Variants in MFAP1 observed in about 807,000 individuals in gnomAD.
MFAP1 encodes the protein microfibril associated protein 1.
MFAP1 carries 18 observed loss-of-function variants against 62.2 expected under a neutral mutation model. The ratio of observed to expected loss-of-function variants is 0.29; its 90% CI spans 0.20 to 0.43. The LOEUF is 0.43. Ranked by LOEUF, MFAP1 falls within the 20% of genes least tolerant of loss-of-function variation. The pLI, the probability that MFAP1 is intolerant of heterozygous loss-of-function variation, is 1.00. For missense variants in MFAP1, 355 were observed against 559.7 expected (o/e 0.63, Z 3.69); for synonymous variants, 175 against 180.4 (o/e 0.97, Z 0.24).
intron 1 of MFAP1, among the ~76,000 whole-genome samples, chr15:43,818,571 A>G (rs2087449338): frequency 1.3e-5 from 2 of 151,822 alleles, no homozygotes; most frequent in Non-Finnish European, 2.9e-5. Flanking sequence ...ATTTAGCCCA[A>G]GACTAGAAGG....
intron 2 of MFAP1, 97 bp from the exon 3 acceptor site, chr15:43,815,171 C>A (rs1456929330): frequency 4.8e-6 from 7 of 1,460,552 alleles, no homozygotes; most frequent in Non-Finnish European, 6.5e-6. Flanking sequence ...TGTTTGCCTT[C>A]ATTAATACTG....
chr15:43,813,388 A>C, intron 4 of MFAP1, 31 bp from the exon 5 acceptor site: 1 of 1,588,420 alleles, frequency 6.3e-7, no homozygotes, highest in East Asian at 2.2e-5. Flanking sequence ...TAATTGCCCA[A>C]AGTCCTTAGA....
At chr15:43,822,733 A>G (rs2087474221) in intron 1 of MFAP1, among the ~76,000 whole-genome samples, 1 of 152,150 alleles carries the variant, frequency 6.6e-6, no homozygotes, top group African/African-American at 2.4e-5. Context: ...TGGCACAATC[A>G]TAGCTCATTG....
At position 43,824,475 on chromosome 15, in the gene MFAP1, G is replaced by T. The variant is rs750129198; in HGVS notation, c.79+16C>A. On this transcript the variant is annotated intron_variant, in intron 1 of 8. Transcript: ENST00000267812. ...GGGGTTAAAATTCGACTGGGAAGAG[G>T]GTGTTAGCACCGTACCTTTCTCATT... The T allele has an allele frequency of 6.2e-7, 1 of 1,613,352 alleles. No homozygotes were observed. The highest frequency in any genetic ancestry group is 1.1e-5 in the South Asian group (1 of 90,948).
rs1275470285 is a variant in MFAP1, at chr15:43,811,438, A to C, written c.888-1524T>G. On this transcript the variant is annotated intron_variant, in intron 6 of 8. Coordinates refer to ENST00000267812, the MANE Select transcript of MFAP1 (RefSeq NM_005926.3). ...CTCAAAAAAAAAAAAAAAACCAAAA[A>C]CAAAAAATTACAGGCTGAGTATGGA... Among the ~76,000 whole-genome samples, 11 of 150,242 alleles carry C rather than the reference A, an allele frequency of 7.3e-5. No homozygotes were observed. In the East Asian group the frequency reaches 2.2e-3, roughly 30 times the overall value.
intron 1 of MFAP1, among the ~76,000 whole-genome samples, chr15:43,818,845 A>C (rs1292108225): frequency 6.6e-6 from 1 of 152,198 alleles, no homozygotes; most frequent in Non-Finnish European, 1.5e-5. Context: ...CCATGACCAC[A>C]CCAAGGCACT....
intron 7 of MFAP1, among the ~76,000 whole-genome samples, chr15:43,806,827 G>A (rs770603528): frequency 6.6e-6 from 1 of 152,086 alleles, no homozygotes; most frequent in Non-Finnish European, 1.5e-5. Context: ...AGCTGAGATC[G>A]CACCACTGCA....
At chr15:43,818,514 AAAAG>A (rs1430696406) in intron 1 of MFAP1, among the ~76,000 whole-genome samples, 1 of 146,174 alleles carries the variant, frequency 6.8e-6, no homozygotes, top group African/African-American at 2.6e-5. Context: ...CAAAAAAAAA[AAAAG>A]AAACAAAAAA....
chr15:43,805,897 C>CCA (rs957087114), intron 7 of MFAP1, among the ~76,000 whole-genome samples: 6 of 152,052 alleles, frequency 3.9e-5, no homozygotes, highest in African/African-American at 1.4e-4. Context: ...CAGGTGTGAA[C>CCA]CACTGCGCCC....
chr15:43,805,538 T>C, intron 7 of MFAP1, 73 bp from the exon 8 acceptor site: 1 of 1,214,178 alleles, frequency 8.2e-7, no homozygotes, highest in Non-Finnish European at 1.2e-6. Flanking sequence ...TATTAAACTC[T>C]ACAATAAGGG....
intron 6 of MFAP1, among the ~76,000 whole-genome samples, chr15:43,811,250 A>G (rs563716045): frequency 6.7e-6 from 1 of 150,338 alleles, no homozygotes; most frequent in African/African-American, 2.4e-5. Context: ...ACCCACCTCT[A>G]CTAAAAATAC....
At position 43,820,254 on chromosome 15, in the gene MFAP1, T is replaced by C. The variant is rs543969163; in HGVS notation, c.80-2806A>G. On this transcript the variant is annotated intron_variant, in intron 1 of 8. Transcript: ENST00000267812. Reference sequence around the variant, plus strand: ...AATGGTGTGAACCCAGGGGCGGAGCTTGCAGTGAGCCGAGATCGCGCCACT... The same window carrying C: ...AATGGTGTGAACCCAGGGGCGGAGCCTGCAGTGAGCCGAGATCGCGCCACT... Among the ~76,000 whole-genome samples, 4 of 152,220 alleles carry C rather than the reference T, an allele frequency of 2.6e-5. No homozygotes were observed. The South Asian group carries it at 6.2e-4, about 24-fold the overall frequency.
At chr15:43,811,877 T>C (rs2087403566) in intron 6 of MFAP1, among the ~76,000 whole-genome samples, 1 of 151,962 alleles carries the variant, frequency 6.6e-6, no homozygotes, top group African/African-American at 2.4e-5. Context: ...TTTACAGGAA[T>C]GAGTGATGCA....
At chr15:43,810,390 G>A (rs1215162536) in intron 6 of MFAP1, among the ~76,000 whole-genome samples, 1 of 147,740 alleles carries the variant, frequency 6.8e-6, no homozygotes, top group Admixed American at 6.8e-5. Flanking sequence ...TTGGTGAGAT[G>A]GAGTCTTGCT....
intron 1 of MFAP1, 78 bp from the exon 2 acceptor site, chr15:43,817,526 A>T (rs1215491978): frequency 7.1e-7 from 1 of 1,404,342 alleles, no homozygotes; most frequent in East Asian, 2.3e-5. Context: ...TTGCAAATAG[A>T]GCCCTTTATT....
intron 1 of MFAP1, 101 bp downstream of exon 1, chr15:43,824,390 A>T: frequency 8.6e-7 from 1 of 1,160,436 alleles, no homozygotes; most frequent in East Asian, 2.5e-5. Flanking sequence ...CCAGATCTCA[A>T]GAGCTGGCGG....
chr15:43,814,833 T>G, intron 3 of MFAP1, 112 bp downstream of exon 3: 1 of 1,509,132 alleles, frequency 6.6e-7, no homozygotes, highest in Non-Finnish European at 9.0e-7. Flanking sequence ...AGGAACATGA[T>G]CAGAGTCCTG....
At chr15:43,812,708 G>T (rs11858713) in intron 6 of MFAP1, among the ~76,000 whole-genome samples, 1 of 152,204 alleles carries the variant, frequency 6.6e-6, no homozygotes, top group African/African-American at 2.4e-5. Context: ...CACAAGAAGA[G>T]ATAACTACTA....
rs2087351903 is a variant in MFAP1, at chr15:43,804,893, CAG to C, written c.*199_*200del. On this transcript the variant is annotated 3_prime_UTR_variant, in exon 9 of 9. Coordinates refer to ENST00000267812, the MANE Select transcript of MFAP1 (RefSeq NM_005926.3). ...TGGGAAGCCTCTAATCCTACCTGGA[CAG>C]TGCTTTCCTGTGGGTTTCTCAGCAT... 1 of 482,626 alleles carries C rather than the reference CAG, an allele frequency of 2.1e-6. No homozygotes were observed. Among genetic ancestry groups the C allele is most frequent in the Admixed American group, 3.6e-5 (1 of 27,472 alleles). The allele number at this position is 482,626 out of a possible 1,614,324, so 29.9% of individuals were successfully genotyped here. A position where few individuals can be genotyped will look rare whatever the true frequency, so the allele number is the denominator to read the frequency against.
Sources: gnomAD v4.1 joint callset for allele counts (sites outside exome capture counted in the v4.1 genomes callset) on GRCh38, gnomAD v4.1.1 for gene constraint, MANE v1.5 for transcripts, NCBI Gene and HGNC (gene_info 2026-07-23, HGNC 2026-07-21) for gene names.